NEMP2: variants seen among roughly 807,000 people sequenced by gnomAD.
NEMP2 encodes nuclear envelope integral membrane protein 2.
A neutral mutation model predicts 54.2 loss-of-function variants in NEMP2; 53 were observed. The ratio of observed to expected loss-of-function variants is 0.98; its 90% CI spans 0.78 to 1.23. The LOEUF (loss-of-function observed/expected upper bound fraction) is 1.23, where lower values mean the gene tolerates loss of function less well. Among genes scored for constraint, NEMP2 ranks in the 50% most tolerant of loss-of-function variants. NEMP2 has a pLI of 0.00. For missense variants in NEMP2, 455 were observed against 511.3 expected, an observed-to-expected ratio of 0.89 and a Z score of 1.06; for synonymous variants, 197 against 190.3, an observed-to-expected ratio of 1.04 and a Z score of -0.29.
chr2:190,562,292 G>C, the NEMP2 span, among the ~76,000 whole-genome samples: 194 of 152,294 alleles, frequency 1.3e-3, no homozygotes, highest in Non-Finnish European at 2.2e-3. This position sits in a 1 kb window ranked among gnomAD's most constrained non-coding sequence, Gnocchi z 5.0. Context: ...TACACAGTGA[G>C]CTAAGTGTTC....
the NEMP2 span, among the ~76,000 whole-genome samples, chr2:190,598,822 T>G: frequency 6.6e-6 from 1 of 152,232 alleles, no homozygotes; most frequent in East Asian, 1.9e-4. Context: ...AATAACCTTA[T>G]GACCAAACCT....
At chr2:190,583,330 A>G in the NEMP2 span, among the ~76,000 whole-genome samples, 1 of 151,928 alleles carries the variant, frequency 6.6e-6, no homozygotes, top group Non-Finnish European at 1.5e-5. Flanking sequence ...TGAGTCATTT[A>G]GGTATTCAAA....
the NEMP2 span, among the ~76,000 whole-genome samples, chr2:190,595,782 C>A: frequency 1.3e-5 from 2 of 152,152 alleles, no homozygotes; most frequent in African/African-American, 4.8e-5. The surrounding 1 kb of genome is among the most constrained non-coding windows in gnomAD (Gnocchi z 4.0). Flanking sequence ...GAAATAGGAA[C>A]GCTTTTACAC....
downstream of NEMP2, among the ~76,000 whole-genome samples, chr2:190,502,892 C>A (rs1002480832): frequency 3.3e-5 from 5 of 152,160 alleles, no homozygotes; most frequent in Admixed American, 2.0e-4. This position sits in a 1 kb window ranked among gnomAD's most constrained non-coding sequence, Gnocchi z 4.4. Flanking sequence ...CTGAAGCTAA[C>A]AGTTTAAGTT....
At chr2:190,443,195 A>G in the NEMP2 span, among the ~76,000 whole-genome samples, 1 of 152,192 alleles carries the variant, frequency 6.6e-6, no homozygotes, top group South Asian at 2.1e-4. The surrounding 1 kb of genome is among the most constrained non-coding windows in gnomAD (Gnocchi z 4.2). Flanking sequence ...GGGAGAAAAA[A>G]AATAAAAGGA....
chr2:190,600,391 G>A, the NEMP2 span, among the ~76,000 whole-genome samples: 14 of 152,200 alleles, frequency 9.2e-5, no homozygotes, highest in Non-Finnish European at 1.5e-4. The surrounding 1 kb of genome is among the most constrained non-coding windows in gnomAD (Gnocchi z 4.9). Flanking sequence ...TTTGTCTGGC[G>A]TGTGCTATTG....
the NEMP2 span, among the ~76,000 whole-genome samples, chr2:190,487,933 G>T: frequency 1.3e-5 from 2 of 152,022 alleles, no homozygotes; most frequent in African/African-American, 4.8e-5. This position sits in a 1 kb window ranked among gnomAD's most constrained non-coding sequence, Gnocchi z 5.5. Context: ...ACAGAATCTT[G>T]CTCTGTTGCC....
chr2:190,454,849 C>T, the NEMP2 span, among the ~76,000 whole-genome samples: 3 of 151,990 alleles, frequency 2.0e-5, no homozygotes, highest in Non-Finnish European at 4.4e-5. The surrounding 1 kb of genome is among the most constrained non-coding windows in gnomAD (Gnocchi z 4.6). Context: ...GACCTATGGC[C>T]TAACATAGTG....
At chr2:190,537,003 A>T (rs1691398088), upstream of NEMP2, among the ~76,000 whole-genome samples, 1 of 152,208 alleles carries the variant, frequency 6.6e-6, no homozygotes, top group African/African-American at 2.4e-5. Context: ...AAGACACCCA[A>T]AAAAGCAGAG....
the NEMP2 span, chr2:190,488,721 G>T: frequency 2.5e-6 from 4 of 1,609,640 alleles, no homozygotes; most frequent in South Asian, 3.3e-5. The surrounding 1 kb of genome is among the most constrained non-coding windows in gnomAD (Gnocchi z 6.4). Context: ...TTCCCCCTGA[G>T]CTGAGGACAT....
At chr2:190,534,814 G>A (rs1559172689), upstream of NEMP2, 2 of 502,560 alleles carry the variant, frequency 4.0e-6, no homozygotes, top group Non-Finnish European at 6.2e-6. Flanking sequence ...GGGAGAGTTG[G>A]GCTCGTTGCT....
chr2:190,488,655 A>C, the NEMP2 span: 1 of 1,534,238 alleles, frequency 6.5e-7, no homozygotes, highest in Non-Finnish European at 8.8e-7. This position sits in a 1 kb window ranked among gnomAD's most constrained non-coding sequence, Gnocchi z 6.4. Flanking sequence ...CTTCCTCTCC[A>C]GGAGTGACAC....
chr2:190,501,803 T>C (rs989213557), downstream of NEMP2: 1 of 152,678 alleles, frequency 6.5e-6, no homozygotes, highest in African/African-American at 2.4e-5. Context: ...GCACTTGAAC[T>C]GAAACGTACT....
upstream of NEMP2, among the ~76,000 whole-genome samples, chr2:190,537,951 C>G (rs1012022560): frequency 6.6e-6 from 1 of 152,162 alleles, no homozygotes; most frequent in Admixed American, 6.5e-5. Context: ...CTCAGCCAAG[C>G]ACATACAACA....
At chr2:190,441,778 C>T in the NEMP2 span, among the ~76,000 whole-genome samples, 10 of 152,100 alleles carry the variant, frequency 6.6e-5, no homozygotes, top group African/African-American at 2.4e-4. Context: ...TATGCCCCAC[C>T]CACTGTGGGT....
At chr2:190,560,405 A>G in the NEMP2 span, among the ~76,000 whole-genome samples, 1 of 152,172 alleles carries the variant, frequency 6.6e-6, no homozygotes, top group Non-Finnish European at 1.5e-5. This position sits in a 1 kb window ranked among gnomAD's most constrained non-coding sequence, Gnocchi z 5.4. Context: ...TTGTTCTCTC[A>G]TCTCAGTGTG....
At chr2:190,462,937 T>A in the NEMP2 span, among the ~76,000 whole-genome samples, 12 of 152,160 alleles carry the variant, frequency 7.9e-5, no homozygotes, top group Non-Finnish European at 1.5e-4. The surrounding 1 kb of genome is among the most constrained non-coding windows in gnomAD (Gnocchi z 5.7). Context: ...GAGGGTACCA[T>A]GATGTAACTC....
In NEMP2 at chr2:190,527,828, C is replaced by T. The variant is rs933298116; in HGVS notation, c.98-2450G>A. ...TGAACCTTACTGTGAACTGAGCAAC[C>T]TAGGGATCTAGGTTGCATGCTTGTT... On this transcript the variant is annotated intron_variant, in intron 1 of 8. Transcript: ENST00000409150. This position sits in a 1 kb window ranked among gnomAD's most constrained non-coding sequence, Gnocchi z 4.0. 2.0e-5 allele frequency among the ~76,000 whole-genome samples: 3 copies of T among 152,048 alleles called. No homozygotes were observed. The highest frequency in any genetic ancestry group is 7.2e-5 in the African/African-American group (3 of 41,382).
chr2:190,468,345 C>T, the NEMP2 span, among the ~76,000 whole-genome samples: 1 of 151,946 alleles, frequency 6.6e-6, no homozygotes, highest in Non-Finnish European at 1.5e-5. Flanking sequence ...TTTGTCTTTT[C>T]TTCATCTTTC....
Sources: gnomAD v4.1 joint callset for allele counts (sites outside exome capture counted in the v4.1 genomes callset) on GRCh38, gnomAD v4.1.1 for gene constraint, Gnocchi (gnomAD v3.1) non-coding constraint, MANE v1.5 for transcripts, NCBI Gene and HGNC (gene_info 2026-07-23, HGNC 2026-07-21) for gene names.